ATF6: variants seen among roughly 807,000 people sequenced by gnomAD.
ATF6 encodes the protein cyclic AMP-dependent transcription factor ATF-6 alpha.
In ATF6, 53 loss-of-function variants were observed where a neutral mutation model predicts 83.6. That is an observed-to-expected ratio of 0.63 (90% confidence interval 0.51 to 0.80). The LOEUF (loss-of-function observed/expected upper bound fraction) is 0.80, where lower values mean the gene tolerates loss of function less well. Ranked by LOEUF, ATF6 falls within the 30% of genes least tolerant of loss-of-function variation. The pLI is 0.00. For missense variants in ATF6, 744 were observed against 797.9 expected (o/e 0.93, Z 0.81); for synonymous variants, 288 against 285.8 (o/e 1.01, Z -0.08).
At chr1:161,853,164 A>C in intron 11 of ATF6, 60 bp from the exon 12 acceptor site, 1 of 1,211,932 alleles carries the variant, frequency 8.3e-7, no homozygotes, top group Non-Finnish European at 1.2e-6. Flanking sequence ...CACAGGGTGA[A>C]ACATCCATTT....
intron 2 of ATF6, among the ~76,000 whole-genome samples, chr1:161,779,274 G>T (rs1044284106): frequency 2.6e-5 from 4 of 152,092 alleles, no homozygotes; most frequent in Non-Finnish European, 5.9e-5. Context: ...AAAAGAAAAT[G>T]TTTCTTTTAA....
chr1:161,894,521 C>CTTTTTTTTTTTTTTTTTTTT (rs71093131), intron 14 of ATF6, among the ~76,000 whole-genome samples: 5 of 44,850 alleles, frequency 1.1e-4, no homozygotes, highest in African/African-American at 3.3e-4. Context: ...GTTTTGTAGT[C>CTTTTTTTTTTTTTTTTTTTT]TTTTTTTTTT....
At chr1:161,851,345 C>G (rs1450948060) in intron 10 of ATF6, among the ~76,000 whole-genome samples, 1 of 152,036 alleles carries the variant, frequency 6.6e-6, no homozygotes, top group Non-Finnish European at 1.5e-5. Context: ...AAACTTTAGT[C>G]TGGTCACATA....
Position 161,898,031 on chromosome 1 carries a change from G to A in ATF6, c.1720-14265G>A, listed in dbSNP as rs566002752. On this transcript the variant is annotated intron_variant, in intron 14 of 15. Coordinates refer to ENST00000367942, the MANE Select transcript of ATF6 (RefSeq NM_007348.4). ...TCTTGTGGTATATTTTGGAGATGTG[G>A]GTTTCCATTAAGTATAGATTTTTTT... Among the ~76,000 whole-genome samples, 4 of 152,138 alleles carry A rather than the reference G, an allele frequency of 2.6e-5. No individual in the cohort carries two copies. In the South Asian group the frequency reaches 6.2e-4, roughly 24 times the overall value.
intron 14 of ATF6, among the ~76,000 whole-genome samples, chr1:161,869,503 G>A (rs1687078461): frequency 6.6e-6 from 1 of 151,736 alleles, no homozygotes; most frequent in African/African-American, 2.4e-5. Flanking sequence ...CACTTTCATG[G>A]CCTTTGAGCC....
chr1:161,934,294 A>G (rs948143794), intron 15 of ATF6, among the ~76,000 whole-genome samples: 6 of 152,212 alleles, frequency 3.9e-5, no homozygotes, highest in Admixed American at 3.9e-4. Flanking sequence ...AAAACTTTTT[A>G]AAGAAAAGTT....
intron 15 of ATF6, among the ~76,000 whole-genome samples, chr1:161,947,214 TGACAAG>T (rs1335128217): frequency 1.3e-5 from 2 of 152,198 alleles, no homozygotes; most frequent in African/African-American, 4.8e-5. Context: ...AGTCTGACTC[TGACAAG>T]GACAAGTAGG....
intron 15 of ATF6, among the ~76,000 whole-genome samples, chr1:161,924,045 G>A (rs934355531): frequency 7.2e-5 from 11 of 152,064 alleles, no homozygotes; most frequent in Admixed American, 6.5e-4. Context: ...ATTTATCTTT[G>A]TACGGGGAAA....
chr1:161,896,601 G>A (rs1246510055), intron 14 of ATF6, among the ~76,000 whole-genome samples: 2 of 152,178 alleles, frequency 1.3e-5, no homozygotes, highest in Non-Finnish European at 2.9e-5. Flanking sequence ...TGAAAACCTA[G>A]CTGGTGCAGA....
At chr1:161,927,410 C>G (rs2101899709) in intron 15 of ATF6, among the ~76,000 whole-genome samples, 2 of 152,294 alleles carry the variant, frequency 1.3e-5, no homozygotes, top group Middle Eastern at 6.8e-3. Flanking sequence ...CTCAAGCAAT[C>G]CTCCTGCCTC....
intron 15 of ATF6, among the ~76,000 whole-genome samples, chr1:161,929,549 A>G (rs1688391318): frequency 6.6e-6 from 1 of 152,228 alleles, no homozygotes. Flanking sequence ...GGTACTTTAT[A>G]CACTTAACTA....
chr1:161,869,236 T>C (rs1687072876), intron 14 of ATF6, among the ~76,000 whole-genome samples: 1 of 152,058 alleles, frequency 6.6e-6, no homozygotes, highest in Non-Finnish European at 1.5e-5. Context: ...GCATATTTTC[T>C]TAATGCCTGT....
At chr1:161,859,545 A>G (rs1266283800) in intron 12 of ATF6, among the ~76,000 whole-genome samples, 1 of 152,232 alleles carries the variant, frequency 6.6e-6, no homozygotes, top group Non-Finnish European at 1.5e-5. Flanking sequence ...TTCTAATGAA[A>G]TAGAACTTGG....
rs1684895466 is a variant in ATF6, at chr1:161,792,122, A to G, written c.485-2A>G. The G allele has an allele frequency of 1.9e-6, 3 of 1,613,400 alleles. No individual in the cohort carries two copies. Among genetic ancestry groups the G allele is most frequent in the African/African-American group, 1.3e-5 (1 of 74,922 alleles). ...CTTGTGGTTTGTCTGGTTTTTCTCC[A>G]GAAAATGGACTGACTCCAAAGAAAA... On this transcript the variant is annotated splice_acceptor_variant, in intron 5 of 15. Transcript: ENST00000367942. LOFTEE classifies it high-confidence loss of function.
intron 15 of ATF6, among the ~76,000 whole-genome samples, chr1:161,952,302 C>T (rs549524235): frequency 1.3e-5 from 2 of 152,218 alleles, no homozygotes; most frequent in African/African-American, 4.8e-5. Flanking sequence ...CCTGGAAACT[C>T]AGACGTGTGT....
intron 9 of ATF6, among the ~76,000 whole-genome samples, chr1:161,827,908 A>C (rs1685943726): frequency 6.6e-6 from 1 of 152,056 alleles, no homozygotes; most frequent in African/African-American, 2.4e-5. Flanking sequence ...ATAGTAAAGA[A>C]GTCATCTAGC....
At chr1:161,815,341 A>G (rs1468279765) in intron 7 of ATF6, among the ~76,000 whole-genome samples, 1 of 151,476 alleles carries the variant, frequency 6.6e-6, no homozygotes, top group Non-Finnish European at 1.5e-5. Flanking sequence ...ACAATTGTGC[A>G]CCACGATGCC....
chr1:161,823,073 C>T (rs1038268105), intron 9 of ATF6, among the ~76,000 whole-genome samples: 1 of 151,660 alleles, frequency 6.6e-6, no homozygotes, highest in African/African-American at 2.4e-5. Context: ...TCTTGGGAAC[C>T]CCTTTGTACC....
At chr1:161,799,672 T>G (rs1685099618) in intron 6 of ATF6, among the ~76,000 whole-genome samples, 1 of 152,214 alleles carries the variant, frequency 6.6e-6, no homozygotes, top group African/African-American at 2.4e-5. Flanking sequence ...TATTAATACA[T>G]TGTATCTACT....
Sources: gnomAD v4.1 joint callset for allele counts (sites outside exome capture counted in the v4.1 genomes callset) on GRCh38, gnomAD v4.1.1 for gene constraint, MANE v1.5 for transcripts, NCBI Gene and HGNC (gene_info 2026-07-23, HGNC 2026-07-21) for gene names.